RAP2A: variants seen among roughly 807,000 people sequenced by gnomAD.
The protein encoded by RAP2A is RAP2A, member of RAS oncogene family.
Under a neutral mutation model 15.1 loss-of-function variants are expected in RAP2A, and 5 were observed. The observed-to-expected ratio is 0.33, with a 90% CI of 0.17 to 0.70. The LOEUF (loss-of-function observed/expected upper bound fraction) is 0.70. Among genes scored for constraint, RAP2A ranks in the 30% least tolerant of loss-of-function variants. The pLI, the probability that RAP2A is intolerant of heterozygous loss-of-function variation, is 0.68. For missense variants in RAP2A, 111 were observed against 240.3 expected, an observed-to-expected ratio of 0.46 and a Z score of 3.56; for synonymous variants, 110 against 99.7, an observed-to-expected ratio of 1.10 and a Z score of -0.62.
At chr13:97,450,651 T>C (rs2066698233) in intron 1 of RAP2A, among the ~76,000 whole-genome samples, 1 of 151,504 alleles carries the variant, frequency 6.6e-6, no homozygotes, top group Non-Finnish European at 1.5e-5. Context: ...GACTTAGATA[T>C]TACGCTTAAA....
intron 1 of RAP2A, among the ~76,000 whole-genome samples, chr13:97,448,146 A>G (rs888606731): frequency 6.6e-6 from 1 of 152,302 alleles, no homozygotes; most frequent in Middle Eastern, 3.4e-3. Flanking sequence ...AGGGAAAGGT[A>G]TCTATCCTGT....
chr13:97,442,475 G>A (rs9584579), intron 1 of RAP2A, among the ~76,000 whole-genome samples: 3,963 of 152,018 alleles, frequency 0.026, 67 homozygotes, highest in African/African-American at 0.038. Context: ...ACTCAGCAGG[G>A]GATTTCACAT....
At chr13:97,443,010 T>C (rs907712734) in intron 1 of RAP2A, among the ~76,000 whole-genome samples, 1 of 152,206 alleles carries the variant, frequency 6.6e-6, no homozygotes, top group Non-Finnish European at 1.5e-5. Flanking sequence ...AACTTTTGCC[T>C]TGTGAAAACT....
intron 1 of RAP2A, among the ~76,000 whole-genome samples, 179 bp downstream of exon 1, chr13:97,434,963 A>G (rs1452088513): frequency 1.3e-5 from 2 of 152,216 alleles, no homozygotes; most frequent in Non-Finnish European, 2.9e-5. Context: ...TTTGTTTCAC[A>G]ACTAAAATTT....
intron 1 of RAP2A, among the ~76,000 whole-genome samples, chr13:97,452,529 T>C (rs562109335): frequency 1.3e-5 from 2 of 151,358 alleles, no homozygotes; most frequent in South Asian, 4.2e-4. Flanking sequence ...TTATAGTAAG[T>C]ATTGATATCT....
At chr13:97,462,628 T>C (rs1415382166) in intron 1 of RAP2A, among the ~76,000 whole-genome samples, 1 of 152,264 alleles carries the variant, frequency 6.6e-6, no homozygotes, top group East Asian at 1.9e-4. Context: ...TCCTTTGATA[T>C]AAATTGAAGT....
intron 1 of RAP2A, among the ~76,000 whole-genome samples, chr13:97,454,595 G>A (rs984873076): frequency 1.3e-5 from 2 of 151,012 alleles, no homozygotes; most frequent in African/African-American, 2.4e-5. Context: ...TTTTGTATGC[G>A]TTACATCCAC....
At chr13:97,445,030 C>T (rs939094245) in intron 1 of RAP2A, among the ~76,000 whole-genome samples, 3 of 152,102 alleles carry the variant, frequency 2.0e-5, no homozygotes, top group African/African-American at 7.2e-5. Context: ...GTGTAAAGGG[C>T]AAAATGGCTC....
chr13:97,464,059 T>C, intron 1 of RAP2A, 146 bp from the exon 2 acceptor site: 1 of 692,722 alleles, frequency 1.4e-6, no homozygotes, highest in Non-Finnish European at 2.5e-6. Flanking sequence ...CAGATCTAAG[T>C]ATCAAGCCAA....
chr13:97,438,823 T>C (rs147769499), intron 1 of RAP2A, among the ~76,000 whole-genome samples: 3 of 152,300 alleles, frequency 2.0e-5, no homozygotes, highest in African/African-American at 7.2e-5. Flanking sequence ...ACACAGCTCC[T>C]ACTAGCACAT....
chr13:97,457,403 T>C (rs1327518583), intron 1 of RAP2A, among the ~76,000 whole-genome samples: 1 of 151,956 alleles, frequency 6.6e-6, no homozygotes, highest in Non-Finnish European at 1.5e-5. Flanking sequence ...TAAATTACGG[T>C]ACAGTTATAG....
intron 1 of RAP2A, among the ~76,000 whole-genome samples, chr13:97,462,531 A>C (rs1213121803): frequency 6.6e-6 from 1 of 151,998 alleles, no homozygotes; most frequent in Non-Finnish European, 1.5e-5. Flanking sequence ...GATGTTAAAA[A>C]CCCTTGTGTC....
chr13:97,452,741 G>C (rs2066707943), intron 1 of RAP2A, among the ~76,000 whole-genome samples: 1 of 151,046 alleles, frequency 6.6e-6, no homozygotes, highest in African/African-American at 2.4e-5. Context: ...GAGAAATTAT[G>C]TGTTAATAAT....
intron 1 of RAP2A, among the ~76,000 whole-genome samples, chr13:97,447,510 A>G (rs117280491): frequency 0.014 from 2,149 of 152,346 alleles, 23 homozygotes; most frequent in Non-Finnish European, 0.023. Flanking sequence ...ATTTATAAGT[A>G]AAGATCCCTG....
chr13:97,442,987 A>G (rs1051221726), intron 1 of RAP2A, among the ~76,000 whole-genome samples: 1 of 152,246 alleles, frequency 6.6e-6, no homozygotes, highest in Admixed American at 6.5e-5. Context: ...TGTTCATTCT[A>G]GTAATTCAAG....
chr13:97,450,708 G>T (rs2066698828), intron 1 of RAP2A, among the ~76,000 whole-genome samples: 1 of 150,916 alleles, frequency 6.6e-6, no homozygotes, highest in Admixed American at 6.6e-5. Context: ...TTTTACATTT[G>T]GTTTCTAAAT....
intron 1 of RAP2A, among the ~76,000 whole-genome samples, chr13:97,450,163 G>A (rs192599234): frequency 6.6e-6 from 1 of 152,210 alleles, no homozygotes; most frequent in East Asian, 1.9e-4. Flanking sequence ...TTCAGAGGTA[G>A]CTTTAAAAAA....
intron 1 of RAP2A, among the ~76,000 whole-genome samples, chr13:97,448,705 T>C (rs942525759): frequency 6.6e-6 from 1 of 152,182 alleles, no homozygotes; most frequent in Admixed American, 6.5e-5. Context: ...GGACTGTTAA[T>C]CTAGAAATAA....
In RAP2A at chr13:97,452,650, G is replaced by GCACACA. The variant is rs34107608; in HGVS notation, c.315-11540_315-11535dup. ...AAGAATCAGTCACACACACACACAC[G>GCACACA]CACACACACACACACACACAACCAA... On this transcript the variant is annotated intron_variant, in intron 1 of 1. Transcript: ENST00000245304. Among the ~76,000 whole-genome samples, 396 of 148,156 alleles carry GCACACA rather than the reference G, an allele frequency of 2.7e-3. 6 individuals carry two copies. Among genetic ancestry groups the GCACACA allele is most frequent in the Middle Eastern group, 0.017 (5 of 290 alleles).
Sources: gnomAD v4.1 joint callset for allele counts (sites outside exome capture counted in the v4.1 genomes callset) on GRCh38, gnomAD v4.1.1 for gene constraint, MANE v1.5 for transcripts, NCBI Gene and HGNC (gene_info 2026-07-23, HGNC 2026-07-21) for gene names.